Variants in EPHA6 observed in about 807,000 individuals in gnomAD.
The protein encoded by EPHA6 is ephrin type-A receptor 6.
EPHA6 carries 50 observed loss-of-function variants against 112.0 expected under a neutral mutation model. That is an observed-to-expected ratio of 0.45 (90% confidence interval 0.36 to 0.56). EPHA6 has a LOEUF of 0.56. EPHA6 is among the 20% of genes least tolerant of loss of function. The probability of loss-of-function intolerance (pLI) is 0.00; values close to 1 mark genes in which losing one functional copy is unlikely to be tolerated. For missense variants in EPHA6, 1,280 were observed against 1,417.4 expected, an observed-to-expected ratio of 0.90 and a Z score of 1.56; for synonymous variants, 529 against 490.7, an observed-to-expected ratio of 1.08 and a Z score of -1.03.
intron 3 of EPHA6, among the ~76,000 whole-genome samples, chr3:97,141,295 G>A (rs1458277195): frequency 6.6e-6 from 1 of 151,918 alleles, no homozygotes; most frequent in African/African-American, 2.4e-5. Context: ...TCAACAAAGG[G>A]CCTCTGGACT....
intron 13 of EPHA6, among the ~76,000 whole-genome samples, chr3:97,619,437 G>GT (rs1025813274): frequency 2.7e-5 from 4 of 146,240 alleles, no homozygotes; most frequent in Non-Finnish European, 6.1e-5. Flanking sequence ...AGAAAAAGGG[G>GT]GGGGGGGGCA....
chr3:97,248,758 A>G (rs892187247), intron 5 of EPHA6, among the ~76,000 whole-genome samples: 6 of 152,064 alleles, frequency 3.9e-5, no homozygotes, highest in Non-Finnish European at 5.9e-5. Context: ...AACTAATTAA[A>G]CTGACATTGA....
intron 17 of EPHA6, among the ~76,000 whole-genome samples, chr3:97,748,110 C>G (rs1431681262): frequency 1.3e-5 from 2 of 152,020 alleles, no homozygotes; most frequent in Non-Finnish European, 1.5e-5. Context: ...CAATTTCATA[C>G]AGTACAACCT....
At chr3:97,135,319 C>CTT (rs1340354833) in intron 3 of EPHA6, among the ~76,000 whole-genome samples, 6 of 152,098 alleles carry the variant, frequency 3.9e-5, no homozygotes, top group Non-Finnish European at 8.8e-5. Context: ...TCCAGTTGAG[C>CTT]TTTCTAATTC....
chr3:97,220,270 C>T (rs2078153362), intron 3 of EPHA6, among the ~76,000 whole-genome samples: 1 of 152,214 alleles, frequency 6.6e-6, no homozygotes, highest in East Asian at 1.9e-4. Context: ...CCAAACTTTC[C>T]CACATCTTCC....
intron 3 of EPHA6, among the ~76,000 whole-genome samples, chr3:97,092,220 C>G (rs1017454257): frequency 6.6e-6 from 1 of 151,880 alleles, no homozygotes; most frequent in South Asian, 2.1e-4. Flanking sequence ...TTTACTCTTT[C>G]TTTTATTTAA....
intron 10 of EPHA6, among the ~76,000 whole-genome samples, chr3:97,511,175 G>A (rs1389835070): frequency 1.3e-5 from 2 of 152,054 alleles, no homozygotes; most frequent in Non-Finnish European, 2.9e-5. Context: ...CCCCTTTCCA[G>A]GGGAGTGAAT....
At chr3:96,931,885 G>A (rs1044451345) in intron 2 of EPHA6, among the ~76,000 whole-genome samples, 7 of 152,156 alleles carry the variant, frequency 4.6e-5, no homozygotes, top group South Asian at 2.1e-4. Context: ...ACACACCCTT[G>A]TTGAGGATCC....
At chr3:96,905,283 A>T (rs1474614589) in intron 2 of EPHA6, among the ~76,000 whole-genome samples, 1 of 152,076 alleles carries the variant, frequency 6.6e-6, no homozygotes, top group African/African-American at 2.4e-5. Context: ...CTCTATAAAA[A>T]AGGTCTGAAA....
intron 3 of EPHA6, among the ~76,000 whole-genome samples, chr3:97,185,656 G>A (rs1484313516): frequency 5.9e-5 from 9 of 152,038 alleles, no homozygotes; most frequent in Admixed American, 3.9e-4. Context: ...TCAGTGTGGC[G>A]ATTCCTCAGG....
At chr3:97,648,362 T>G (rs368580013) in intron 14 of EPHA6, 4 of 1,593,566 alleles carry the variant, frequency 2.5e-6, no homozygotes, top group East Asian at 2.3e-5. Flanking sequence ...TCTGTCGGTC[T>G]AAGAAGACAT....
intron 3 of EPHA6, among the ~76,000 whole-genome samples, chr3:97,141,718 C>A (rs186567540): frequency 0.014 from 2,182 of 150,812 alleles, 110 homozygotes; most frequent in Admixed American, 0.098. Flanking sequence ...ATGCCTACAT[C>A]AAAAAAAATA....
chr3:97,117,846 A>G (rs895974909), intron 3 of EPHA6, among the ~76,000 whole-genome samples: 5 of 151,866 alleles, frequency 3.3e-5, no homozygotes, highest in Admixed American at 6.6e-5. Flanking sequence ...ATGGTGCAGC[A>G]TAATTATTTT....
At chr3:97,319,670 A>AAAAAAAAAAACAAAAAAC (rs1240654200) in intron 5 of EPHA6, among the ~76,000 whole-genome samples, 1 of 150,922 alleles carries the variant, frequency 6.6e-6, no homozygotes, top group South Asian at 2.1e-4. Context: ...ATTGTCTCAA[A>AAAAAAAAAAACAAAAAAC]AAAAAAAAAA....
intron 3 of EPHA6, among the ~76,000 whole-genome samples, chr3:97,113,922 A>T (rs2047803877): frequency 6.6e-6 from 1 of 152,122 alleles, no homozygotes; most frequent in Non-Finnish European, 1.5e-5. Flanking sequence ...GAATTTGATC[A>T]CTTTTATAGA....
chr3:97,175,212 T>C (rs1414351260), intron 3 of EPHA6, among the ~76,000 whole-genome samples: 1 of 151,950 alleles, frequency 6.6e-6, no homozygotes, highest in Non-Finnish European at 1.5e-5. Context: ...ACTGTAGGTG[T>C]GTGGATTTGT....
chr3:97,015,905 A>G (rs1012559424), intron 3 of EPHA6, among the ~76,000 whole-genome samples: 2 of 152,156 alleles, frequency 1.3e-5, no homozygotes, highest in African/African-American at 4.8e-5. Flanking sequence ...AATTATGAGA[A>G]AACATTTAAG....
intron 3 of EPHA6, among the ~76,000 whole-genome samples, chr3:97,049,911 A>G (rs1303914190): frequency 1.3e-5 from 2 of 152,164 alleles, no homozygotes; most frequent in African/African-American, 4.8e-5. Context: ...CACCACCAGC[A>G]TTGGGGATCA....
In EPHA6 at chr3:97,047,238, T is replaced by C. The variant is rs536297948; in HGVS notation, c.1114+59245T>C. The stretch of plus-strand genomic sequence containing the variant: ...ACCAGGGGCCGGGCACAGTGGCTCA[T>C]GCCTGTAATCCCAGCACTTTGGGAG... On this transcript the variant is annotated intron_variant, in intron 3 of 17. Coordinates refer to ENST00000389672, the MANE Select transcript of EPHA6 (RefSeq NM_001080448.3). 3.3e-5 allele frequency among the ~76,000 whole-genome samples: 5 copies of C among 152,078 alleles called. No homozygotes were observed. In the South Asian group the frequency reaches 6.2e-4, roughly 19 times the overall value.
Sources: allele counts gnomAD v4.1 joint callset (sites outside exome capture counted in the v4.1 genomes callset), GRCh38; gene constraint gnomAD v4.1.1; transcripts MANE v1.5; gene names NCBI Gene and HGNC (gene_info 2026-07-23, HGNC 2026-07-21).